Variants in KATNA1 observed in about 807,000 individuals in gnomAD.
The protein encoded by KATNA1 is katanin p60 ATPase-containing subunit A1.
Under a neutral mutation model 62.6 loss-of-function variants are expected in KATNA1, and 42 were observed. The observed-to-expected ratio is 0.67, with a 90% confidence interval of 0.52 to 0.87. The LOEUF is 0.87. Among genes scored for constraint, KATNA1 ranks in the 40% least tolerant of loss-of-function variants. The pLI, the probability that KATNA1 is intolerant of heterozygous loss-of-function variation, is 0.00. For missense variants in KATNA1, 498 were observed against 612.5 expected (o/e 0.81, Z 1.97); for synonymous variants, 186 against 201.9 (o/e 0.92, Z 0.67).
intron 4 of KATNA1, 58 bp downstream of exon 4, chr6:149,623,045 G>T: frequency 7.9e-7 from 1 of 1,266,196 alleles, no homozygotes. Flanking sequence ...AATTTGTACA[G>T]TCTTCATTTT....
intron 7 of KATNA1, among the ~76,000 whole-genome samples, 170 bp from the exon 8 acceptor site, chr6:149,598,520 C>T (rs1384500884): frequency 2.6e-5 from 4 of 151,898 alleles, no homozygotes; most frequent in Admixed American, 2.0e-4. Context: ...CCCAAGAGTT[C>T]GAGACCAGCC....
chr6:149,598,040 A>G, intron 8 of KATNA1, 184 bp downstream of exon 8: 1 of 595,100 alleles, frequency 1.7e-6, no homozygotes, highest in Non-Finnish European at 2.9e-6. Context: ...CACCACTGTC[A>G]GTGTACCAAA....
intron 2 of KATNA1, among the ~76,000 whole-genome samples, chr6:149,636,357 A>AT (rs1468782691): frequency 1.3e-5 from 2 of 152,080 alleles, no homozygotes; most frequent in African/African-American, 2.4e-5. Flanking sequence ...GGATCATTTG[A>AT]TCCCAGGAGT....
chr6:149,618,533 G>C (rs943518451), intron 4 of KATNA1, among the ~76,000 whole-genome samples: 21 of 151,936 alleles, frequency 1.4e-4, no homozygotes, highest in African/African-American at 4.6e-4. Context: ...ACTCCAAAGA[G>C]ATCCTGAGCA....
At chr6:149,627,411 A>G (rs908631322) in intron 3 of KATNA1, among the ~76,000 whole-genome samples, 2 of 151,394 alleles carry the variant, frequency 1.3e-5, no homozygotes, top group Non-Finnish European at 2.9e-5. Context: ...TAAAAATACA[A>G]AAAAATTAGC....
In KATNA1 at chr6:149,632,843, T is replaced by C. The variant is rs745828092; in HGVS notation, c.236A>G (p.Asp79Gly). ...IMKTLESFKL[D>G]STPLKAAQHD... The stretch of plus-strand genomic sequence containing the variant: ...CTGTGCCGCTTTCAAGGGAGTGCTG[T>C]CCAGTTTAAAGCTCTCTAGTGTTTT... The change falls in exon 3 of 11, where the codon GAC becomes GGC. Residue 79 changes from aspartate to glycine, a missense_variant. By Grantham distance (94) the Asp-to-Gly change is moderately conservative (BLOSUM62 -1). This residue lies in a region of KATNA1 where 203 missense variants were observed against 198.4 expected (regional missense o/e 1.02). Coordinates refer to ENST00000367411, the MANE Select transcript of KATNA1 (RefSeq NM_007044.4). 7 of 1,613,518 alleles carry C rather than the reference T, an allele frequency of 4.3e-6. No individual in the cohort carries two copies. The East Asian group carries it at 1.1e-4, about 26-fold the overall frequency.
chr6:149,638,702 G>T, intron 1 of KATNA1, 142 bp from the exon 2 acceptor site: 4 of 393,032 alleles, frequency 1.0e-5, no homozygotes, highest in East Asian at 4.2e-5. Context: ...GTGTGCTCAT[G>T]CTATTTCACT....
At chr6:149,609,814 A>AAAAAAAAAAAAAAAAAC (rs1562284874) in intron 4 of KATNA1, among the ~76,000 whole-genome samples, 3 of 141,556 alleles carry the variant, frequency 2.1e-5, no homozygotes, top group African/African-American at 8.3e-5. Flanking sequence ...AAAAAAAAAA[A>AAAAAAAAAAAAAAAAAC]AATAGGCCAG....
intron 4 of KATNA1, among the ~76,000 whole-genome samples, chr6:149,619,637 A>T (rs1169990532): frequency 6.6e-6 from 1 of 151,994 alleles, no homozygotes; most frequent in Non-Finnish European, 1.5e-5. Flanking sequence ...ACAAAAACTA[A>T]CAAATGCTGG....
chr6:149,605,858 T>C (rs1778716477), intron 4 of KATNA1, among the ~76,000 whole-genome samples: 1 of 152,060 alleles, frequency 6.6e-6, no homozygotes, highest in African/African-American at 2.4e-5. Flanking sequence ...AACCTCCACC[T>C]CCTGGGTTCA....
intron 4 of KATNA1, among the ~76,000 whole-genome samples, chr6:149,621,845 C>T (rs963355148): frequency 6.6e-6 from 1 of 151,930 alleles, no homozygotes; most frequent in African/African-American, 2.4e-5. Flanking sequence ...ATCAGGCAAG[C>T]CCAAACTGAG....
chr6:149,647,084 T>C (rs1780514734), intron 1 of KATNA1, among the ~76,000 whole-genome samples: 1 of 151,944 alleles, frequency 6.6e-6, no homozygotes, highest in Admixed American at 6.6e-5. Flanking sequence ...TAACCAACGC[T>C]ATAAAGAAGC....
chr6:149,618,727 G>A (rs1372683988), intron 4 of KATNA1, among the ~76,000 whole-genome samples: 1 of 152,168 alleles, frequency 6.6e-6, no homozygotes, highest in Non-Finnish European at 1.5e-5. Flanking sequence ...ATACACTGGA[G>A]CAAGTGCAGT....
At chr6:149,614,308 C>T (rs1247440734) in intron 4 of KATNA1, among the ~76,000 whole-genome samples, 1 of 152,230 alleles carries the variant, frequency 6.6e-6, no homozygotes. Context: ...TGCACCCCTC[C>T]TCCCATTGTT....
At chr6:149,636,431 A>C (rs1321573908) in intron 2 of KATNA1, among the ~76,000 whole-genome samples, 2 of 148,090 alleles carry the variant, frequency 1.4e-5, no homozygotes, top group Non-Finnish European at 3.0e-5. Context: ...AATAAAAGAT[A>C]AATAAAATAA....
intron 3 of KATNA1, among the ~76,000 whole-genome samples, chr6:149,627,744 C>T (rs1011148431): frequency 2.0e-5 from 3 of 151,112 alleles, no homozygotes; most frequent in African/African-American, 7.3e-5. Context: ...GTGGCAAAGT[C>T]AGAGACAGAC....
At chr6:149,603,623 A>G (rs1475804828) in intron 5 of KATNA1, among the ~76,000 whole-genome samples, 1 of 152,154 alleles carries the variant, frequency 6.6e-6, no homozygotes, top group Admixed American at 6.5e-5. Flanking sequence ...CATAGTCTAC[A>G]GGCACACTCT....
chr6:149,617,271 C>T (rs992075179), intron 4 of KATNA1, among the ~76,000 whole-genome samples: 1 of 152,134 alleles, frequency 6.6e-6, no homozygotes, highest in South Asian at 2.1e-4. Context: ...TGTGAATGTA[C>T]TACTTAATAC....
At chr6:149,610,997 G>A (rs1778932877) in intron 4 of KATNA1, among the ~76,000 whole-genome samples, 2 of 152,342 alleles carry the variant, frequency 1.3e-5, no homozygotes, top group East Asian at 3.9e-4. Flanking sequence ...AGGCAGAATT[G>A]CTTCAACCTG....
Sources: allele counts gnomAD v4.1 joint callset (sites outside exome capture counted in the v4.1 genomes callset), GRCh38; gene constraint gnomAD v4.1.1; regional missense constraint gnomAD v4.1.1; transcripts MANE v1.5; gene names NCBI Gene and HGNC (gene_info 2026-07-23, HGNC 2026-07-21).